The following MPPED1 variants were observed in gnomAD, a reference collection of about 807,000 sequenced individuals.
MPPED1 encodes the protein metallophosphoesterase domain-containing protein 1.
A neutral mutation model predicts 36.2 loss-of-function variants in MPPED1; 16 were observed. That is an observed-to-expected ratio of 0.44 (90% CI 0.30 to 0.67). MPPED1 has a LOEUF of 0.67. Among genes scored for constraint, MPPED1 ranks in the 30% least tolerant of loss-of-function variants. MPPED1 has a pLI of 0.10. For missense variants in MPPED1, 307 were observed against 453.4 expected (o/e 0.68, Z 2.93); for synonymous variants, 199 against 191.3 (o/e 1.04, Z -0.33).
intron 2 of MPPED1, among the ~76,000 whole-genome samples, chr22:43,432,196 G>A (rs933861167): frequency 6.4e-5 from 6 of 93,074 alleles, no homozygotes; most frequent in African/African-American, 1.1e-4. Flanking sequence ...CAAAACCTCA[G>A]AGGCACACAG....
chr22:43,459,453 G>A (rs1048527135), intron 3 of MPPED1, among the ~76,000 whole-genome samples: 1 of 151,960 alleles, frequency 6.6e-6, no homozygotes, highest in African/African-American at 2.4e-5. Flanking sequence ...CTCCTCTTAC[G>A]CACACATGAG....
intron 2 of MPPED1, among the ~76,000 whole-genome samples, chr22:43,430,886 A>G (rs1298817062): frequency 6.6e-6 from 1 of 151,966 alleles, no homozygotes; most frequent in African/African-American, 2.4e-5. Context: ...CAGAAACACA[A>G]CTTAAGTTGC....
At chr22:43,451,600 G>A (rs1400764600) in intron 3 of MPPED1, among the ~76,000 whole-genome samples, 2 of 152,248 alleles carry the variant, frequency 1.3e-5, no homozygotes, top group African/African-American at 2.4e-5. Flanking sequence ...CTGACAAAGC[G>A]AGGCTTTCTT....
At chr22:43,490,966 C>T (rs935389791) in intron 4 of MPPED1, among the ~76,000 whole-genome samples, 1 of 149,798 alleles carries the variant, frequency 6.7e-6, no homozygotes, top group Non-Finnish European at 1.5e-5. Flanking sequence ...CTCTTCTCCA[C>T]TAGGAACCGC....
chr22:43,441,393 GC>G (rs1930143902), intron 3 of MPPED1, among the ~76,000 whole-genome samples: 1 of 152,160 alleles, frequency 6.6e-6, no homozygotes, highest in African/African-American at 2.4e-5. Flanking sequence ...TGCTCTGTGT[GC>G]CAGCCTACTG....
At chr22:43,494,171 G>A (rs1417909119) in intron 4 of MPPED1, among the ~76,000 whole-genome samples, 1 of 152,154 alleles carries the variant, frequency 6.6e-6, no homozygotes, top group Non-Finnish European at 1.5e-5. Context: ...GAGTAGCTGG[G>A]ACTACAGGTG....
At chr22:43,481,413 T>A (rs1302206107) in intron 4 of MPPED1, among the ~76,000 whole-genome samples, 1 of 152,190 alleles carries the variant, frequency 6.6e-6, no homozygotes, top group Non-Finnish European at 1.5e-5. Context: ...CTTCTCTTTA[T>A]CCTACTAGGG....
intron 3 of MPPED1, among the ~76,000 whole-genome samples, chr22:43,461,740 G>A (rs749923783): frequency 6.6e-6 from 1 of 152,148 alleles, no homozygotes; most frequent in Non-Finnish European, 1.5e-5. Flanking sequence ...GAGAATATAT[G>A]TCTAAGTGGT....
intron 3 of MPPED1, among the ~76,000 whole-genome samples, chr22:43,465,224 G>A (rs1297806045): frequency 1.3e-5 from 2 of 152,236 alleles, no homozygotes; most frequent in African/African-American, 4.8e-5. Context: ...CAGCTCCGTG[G>A]CATGGGCCTT....
intron 5 of MPPED1, among the ~76,000 whole-genome samples, chr22:43,500,257 T>C (rs1294542433): frequency 9.1e-6 from 1 of 109,536 alleles, no homozygotes; most frequent in African/African-American, 4.3e-5. Context: ...GTGATGATGG[T>C]GGTGATGGTG....
chr22:43,462,435 A>G (rs1423921852), intron 3 of MPPED1, among the ~76,000 whole-genome samples: 6 of 152,126 alleles, frequency 3.9e-5, no homozygotes, highest in African/African-American at 1.2e-4. Context: ...CTATGTTTTG[A>G]TTTTTCAATT....
chr22:43,471,355 C>T (rs561131529), intron 3 of MPPED1, among the ~76,000 whole-genome samples: 6 of 152,150 alleles, frequency 3.9e-5, no homozygotes, highest in African/African-American at 1.4e-4. Context: ...TGCCTCCCTG[C>T]TGCAGTGTGT....
intron 4 of MPPED1, among the ~76,000 whole-genome samples, chr22:43,490,413 G>A (rs1932046518): frequency 6.6e-6 from 1 of 152,174 alleles, no homozygotes; most frequent in South Asian, 2.1e-4. Flanking sequence ...GCAGATTCCG[G>A]CTCCCCAAGA....
At position 43,425,228 on chromosome 22, in the gene MPPED1, G is replaced by A. The variant is rs1460916944; in HGVS notation, c.224+19G>A. The A allele has an allele frequency of 1.9e-6, 3 of 1,575,680 alleles. No homozygotes were observed. Among genetic ancestry groups the A allele is most frequent in the Non-Finnish European group, 2.6e-6 (3 of 1,154,138 alleles). Reference sequence around the variant, plus strand: ...TGCAGATGTAAGTGGGACCGGTGGGGTGGGGGTGGGGGCGGTGACGGCCCC... The same window carrying A: ...TGCAGATGTAAGTGGGACCGGTGGGATGGGGGTGGGGGCGGTGACGGCCCC... On this transcript the variant is annotated intron_variant, in intron 2 of 6. Coordinates refer to ENST00000443721, the MANE Select transcript of MPPED1 (RefSeq NM_001044370.2).
At chr22:43,435,615 G>A (rs908600009) in intron 3 of MPPED1, among the ~76,000 whole-genome samples, 2 of 152,216 alleles carry the variant, frequency 1.3e-5, no homozygotes, top group Admixed American at 1.3e-4. Context: ...CTAGCACTTT[G>A]TGGGGCTGAG....
chr22:43,488,723 G>A (rs1931992007), intron 4 of MPPED1, among the ~76,000 whole-genome samples: 1 of 152,206 alleles, frequency 6.6e-6, no homozygotes, highest in African/African-American at 2.4e-5. Context: ...GGTTGTCATG[G>A]CAACTATCAT....
intron 4 of MPPED1, 92 bp downstream of exon 4, chr22:43,475,053 A>C (rs1456269922): frequency 8.6e-7 from 1 of 1,159,698 alleles, no homozygotes; most frequent in African/African-American, 1.5e-5. Flanking sequence ...AGCAGCAGGG[A>C]GCTCCGGATG....
rs1459626809 is a variant in MPPED1, at chr22:43,505,769, C to T, written c.*153C>T. On this transcript the variant is annotated 3_prime_UTR_variant, in exon 7 of 7. Coordinates refer to ENST00000443721, the MANE Select transcript of MPPED1 (RefSeq NM_001044370.2). ...CAGGGCCTTGGAACGACTCTTTAGC[C>T]TTCTGTCACCTGGAGTTGGGACCCT... The T allele has an allele frequency of 1.6e-6, 1 of 624,184 alleles. No individual in the cohort carries two copies. Among genetic ancestry groups the T allele is most frequent in the African/African-American group, 1.8e-5 (1 of 54,446 alleles). 38.7% of individuals were successfully genotyped at this position (624,184 alleles called of 1,614,324 possible).
At chr22:43,497,645 ATGGTCTAGGTCCACC>A (rs1932462793) in intron 4 of MPPED1, among the ~76,000 whole-genome samples, 1 of 151,812 alleles carries the variant, frequency 6.6e-6, no homozygotes, top group South Asian at 2.1e-4. Context: ...ATTGCGTATA[ATGGTCTAGGTCCACC>A]TGGCCCCACC....
Sources: gnomAD v4.1 joint callset for allele counts (sites outside exome capture counted in the v4.1 genomes callset) on GRCh38, gnomAD v4.1.1 for gene constraint, MANE v1.5 for transcripts, NCBI Gene and HGNC (gene_info 2026-07-23, HGNC 2026-07-21) for gene names.